DCTN4: variants seen among roughly 807,000 people sequenced by gnomAD.
DCTN4 encodes dynactin 4 (p62).
Under a neutral mutation model 62.7 loss-of-function variants are expected in DCTN4, and 23 were observed. The ratio of observed to expected loss-of-function variants is 0.37; its 90% confidence interval spans 0.26 to 0.52. The LOEUF is 0.52. DCTN4 is among the 20% of genes least tolerant of loss of function. DCTN4 has a pLI of 0.92. For synonymous variants in DCTN4, 199 were observed against 202.1 expected (o/e 0.98, Z 0.13); for missense variants, 514 against 580.4 (o/e 0.89, Z 1.18).
intron 6 of DCTN4, 109 bp downstream of exon 6, chr5:150,731,307 C>G (rs1760356527): frequency 9.1e-7 from 1 of 1,098,586 alleles, no homozygotes; most frequent in South Asian, 1.4e-5. Flanking sequence ...GTATGAGAAT[C>G]TTCTTTTCCA....
At chr5:150,751,392 T>A (rs1752670651) in intron 3 of DCTN4, among the ~76,000 whole-genome samples, 2 of 152,108 alleles carry the variant, frequency 1.3e-5, no homozygotes, top group South Asian at 4.1e-4. Context: ...CCAATCTTCA[T>A]GACTCATAAA....
Position 150,709,522 on chromosome 5 carries a change from T to C in DCTN4, c.*1627A>G, listed in dbSNP as rs143281676. ...CTTTCTATAGTCTGCAAATCTGTAA[T>C]TACCCATCCCCCTGCTCCAACTCCT... On this transcript the variant is annotated 3_prime_UTR_variant, in exon 13 of 13. Coordinates refer to ENST00000447998, the MANE Select transcript of DCTN4 (RefSeq NM_016221.4). The C allele has an allele frequency of 6.6e-5, 10 of 152,490 alleles. No homozygotes were observed. In the East Asian group the frequency reaches 1.7e-3, roughly 26 times the overall value. 9.4% of individuals were successfully genotyped at this position (152,490 alleles called of 1,614,324 possible).
rs61106544 is a variant in DCTN4, at chr5:150,729,042, C to CTTTTTTTTTTTTT, written c.834+1576_834+1588dup. 1.5e-4 allele frequency among the ~76,000 whole-genome samples: 8 copies of CTTTTTTTTTTTTT among 52,146 alleles called. 2 individuals carry two copies. The highest frequency in any genetic ancestry group is 6.3e-4 in the South Asian group (1 of 1,588). 34.2% of individuals were successfully genotyped at this position (52,146 alleles called of 152,430 possible). A position where few individuals can be genotyped will look rare whatever the true frequency, so the allele number is the denominator to read the frequency against. ...ACAAGTGTGTGAACCACCACACTGG[C>CTTTTTTTTTTTTT]TTTTTTTTTTTTTTTTTTTTTTTTT... On this transcript the variant is annotated intron_variant, in intron 8 of 12. Coordinates refer to ENST00000447998, the MANE Select transcript of DCTN4 (RefSeq NM_016221.4).
chr5:150,718,349 A>G lies in DCTN4; in HGVS notation c.998T>C (p.Val333Ala). ...GAGAGTCACATGGGTGAGGTTCTCAACTGGATTTGTAAGAGTCAGGAGGAC... is the reference window on the plus strand; with the variant it reads ...GAGAGTCACATGGGTGAGGTTCTCAGCTGGATTTGTAAGAGTCAGGAGGAC... Reference protein sequence around the residue: ...SQVLLTLTNPVENLTHVTLFE... With the variant: ...SQVLLTLTNPAENLTHVTLFE... Residue 333 changes from valine (V) to alanine (A), a missense_variant, in exon 11 of 13, where the codon GTT (valine) becomes GCT (alanine). By Grantham distance (64) the Val-to-Ala change is moderately conservative. Transcript: ENST00000447998. 3 of 1,614,054 alleles carry G rather than the reference A, an allele frequency of 1.9e-6. No homozygotes were observed. The highest frequency in any genetic ancestry group is 2.2e-5 in the East Asian group (1 of 44,876).
chr5:150,712,308 T>C (rs1759599328), intron 12 of DCTN4, among the ~76,000 whole-genome samples: 1 of 152,084 alleles, frequency 6.6e-6, no homozygotes, highest in Non-Finnish European at 1.5e-5. Context: ...TTTTATAATT[T>C]TAGTAGAGAT....
intron 3 of DCTN4, among the ~76,000 whole-genome samples, chr5:150,750,623 A>G (rs1277590654): frequency 6.6e-6 from 1 of 152,238 alleles, no homozygotes; most frequent in Admixed American, 6.5e-5. Context: ...ACTGTGTATC[A>G]GAAACATAAT....
chr5:150,731,220 T>C (rs780718138), intron 6 of DCTN4, 64 bp from the exon 7 acceptor site: 22 of 1,157,944 alleles, frequency 1.9e-5, no homozygotes, highest in African/African-American at 3.0e-5. Context: ...ATCCACCTGA[T>C]TATCCTCAGT....
chr5:150,734,814 G>A (rs778659568), intron 4 of DCTN4, among the ~76,000 whole-genome samples: 28 of 152,220 alleles, frequency 1.8e-4, no homozygotes, highest in Non-Finnish European at 3.7e-4. Flanking sequence ...TGGTGGGAGT[G>A]AGACTGGCCT....
intron 2 of DCTN4, 118 bp from the exon 3 acceptor site, chr5:150,753,775 T>G: frequency 2.0e-6 from 2 of 1,017,538 alleles, no homozygotes; most frequent in South Asian, 1.7e-5. Context: ...GCAGGCCTCT[T>G]ACCAACTTTG....
rs1759524423 is a variant in DCTN4 at position 150,710,598 on chromosome 5, A to G, written c.*551T>C. The G allele has an allele frequency of 6.5e-6, 1 of 154,700 alleles. No individual in the cohort carries two copies. The highest frequency in any genetic ancestry group is 6.3e-5 in the Admixed American group (1 of 15,846). The allele number at this position is 154,700 out of a possible 1,614,324, so 9.6% of individuals were successfully genotyped here. On this transcript the variant is annotated 3_prime_UTR_variant, in exon 13 of 13. Coordinates refer to ENST00000447998, the MANE Select transcript of DCTN4 (RefSeq NM_016221.4). ...TCATCATGATACTAAAGATAAAGTG[A>G]CAATTCAGTTTTTCAGTTATATGGA... is the stretch of plus-strand genomic sequence containing the variant.
At chr5:150,751,078 G>T (rs1042918586) in intron 3 of DCTN4, among the ~76,000 whole-genome samples, 2 of 152,060 alleles carry the variant, frequency 1.3e-5, no homozygotes, top group Non-Finnish European at 2.9e-5. Context: ...ATTTTTAAAC[G>T]TCTGAATATT....
intron 12 of DCTN4, among the ~76,000 whole-genome samples, chr5:150,714,217 TTCTGCTTGGACTGTA>T (rs957846542): frequency 2.0e-5 from 3 of 152,202 alleles, no homozygotes; most frequent in African/African-American, 7.2e-5. Context: ...TGACACAGGA[TTCTGCTTGGACTGTA>T]TCTGCTGGAT....
intron 11 of DCTN4, among the ~76,000 whole-genome samples, chr5:150,717,897 T>C (rs1374544567): frequency 6.6e-6 from 1 of 152,210 alleles, no homozygotes; most frequent in African/African-American, 2.4e-5. Context: ...AGTAATGTCA[T>C]TAAGCAGCTC....
At position 150,755,657 on chromosome 5, in the gene DCTN4, A is replaced by G; in HGVS notation, c.206+760T>C. ...ACTCCTCAATACTTTTGAGGTCATC[A>G]AAACCAAGGAAATTTTAAGATTCTC... On this transcript the variant is annotated intron_variant, in intron 2 of 12. Transcript: ENST00000447998. 4.6e-6 allele frequency: 2 copies of G among 433,982 alleles called. 1 individual carries two copies. Among genetic ancestry groups the G allele is most frequent in the South Asian group, 3.3e-5 (2 of 61,062 alleles). The allele number at this position is 433,982 out of a possible 1,614,324, so 26.9% of individuals were successfully genotyped here. A position where few individuals can be genotyped will look rare whatever the true frequency, so the allele number is the denominator to read the frequency against.
At chr5:150,747,414 T>G (rs924784681) in intron 3 of DCTN4, among the ~76,000 whole-genome samples, 2 of 152,218 alleles carry the variant, frequency 1.3e-5, no homozygotes, top group Admixed American at 6.5e-5. Flanking sequence ...ACCAATGACT[T>G]TCTTCACAGA....
At chr5:150,733,678 G>T in intron 4 of DCTN4, 3 of 452,062 alleles carry the variant, frequency 6.6e-6, no homozygotes, top group South Asian at 3.2e-5. Context: ...TTCAAGGATG[G>T]GAAGAAATGG....
chr5:150,730,956 T>C (rs377678851), intron 7 of DCTN4, 88 bp downstream of exon 7: 6 of 878,790 alleles, frequency 6.8e-6, no homozygotes, highest in East Asian at 2.4e-5. Context: ...AGCTATTCCA[T>C]TAAAAATCTC....
intron 3 of DCTN4, among the ~76,000 whole-genome samples, chr5:150,750,381 C>T (rs766124593): frequency 3.3e-5 from 5 of 152,164 alleles, no homozygotes; most frequent in Non-Finnish European, 5.9e-5. Flanking sequence ...CATATTACTA[C>T]TAGGAGCAAA....
chr5:150,735,623 A>C (rs866623744), intron 4 of DCTN4, among the ~76,000 whole-genome samples: 3 of 152,342 alleles, frequency 2.0e-5, no homozygotes, highest in Middle Eastern at 3.4e-3. Context: ...CACCACATCA[A>C]GGAACAATGT....
Sources: gnomAD v4.1 joint callset for allele counts (sites outside exome capture counted in the v4.1 genomes callset) on GRCh38, gnomAD v4.1.1 for gene constraint, MANE v1.5 for transcripts, NCBI Gene and HGNC (gene_info 2026-07-23, HGNC 2026-07-21) for gene names.